Variants in PHLPP2 observed in about 807,000 individuals in gnomAD.
PHLPP2 encodes the protein PH domain and leucine rich repeat protein phosphatase 2, also known as PH domain leucine-rich repeat-containing protein phosphatase 2.
A neutral mutation model predicts 124.9 loss-of-function variants in PHLPP2; 66 were observed. The ratio of observed to expected loss-of-function variants is 0.53; its 90% CI spans 0.43 to 0.65. The LOEUF is 0.65. Among genes scored for constraint, PHLPP2 ranks in the 30% least tolerant of loss-of-function variants. The pLI, the probability that PHLPP2 is intolerant of heterozygous loss-of-function variation, is 0.00. For synonymous variants in PHLPP2, 681 were observed against 624.7 expected, an observed-to-expected ratio of 1.09 and a Z score of -1.34; for missense variants, 1,685 against 1,600.4, an observed-to-expected ratio of 1.05 and a Z score of -0.90.
At chr16:71,656,246 G>A (rs1012692880) in intron 16 of PHLPP2, among the ~76,000 whole-genome samples, 5 of 152,180 alleles carry the variant, frequency 3.3e-5, no homozygotes, top group Non-Finnish European at 5.9e-5. Context: ...ATCAGAAAGT[G>A]AGGCCATTCT....
At chr16:71,663,802 G>T (rs112940847) in intron 13 of PHLPP2, 97 bp downstream of exon 13, 1 of 925,138 alleles carries the variant, frequency 1.1e-6, no homozygotes, top group South Asian at 1.5e-5. Context: ...GTCAGTGAAC[G>T]TAAACAAAGA....
intron 3 of PHLPP2, among the ~76,000 whole-genome samples, chr16:71,700,524 T>C (rs980137130): frequency 9.6e-5 from 13 of 135,496 alleles, no homozygotes; most frequent in Admixed American, 2.9e-4. Context: ...CATTTCTTTT[T>C]TTTTTTTTTT....
chr16:71,680,359 G>C (rs1048498091), intron 6 of PHLPP2, among the ~76,000 whole-genome samples: 1 of 152,140 alleles, frequency 6.6e-6, no homozygotes, highest in African/African-American at 2.4e-5. Flanking sequence ...GTTAGAGCTT[G>C]AAAATACAAA....
intron 17 of PHLPP2, among the ~76,000 whole-genome samples, chr16:71,653,333 C>T (rs1278963537): frequency 6.6e-6 from 1 of 152,058 alleles, no homozygotes; most frequent in Non-Finnish European, 1.5e-5. Context: ...ACATCAGAAT[C>T]CCCTGAGGGC....
In PHLPP2 at chr16:71,649,882, T is replaced by G; in HGVS notation, c.2980A>C (p.Thr994Pro). The change falls in exon 19 of 19, where the codon ACA becomes CCA. Residue 994 changes from threonine to proline, a missense_variant. Physicochemically the swap from Thr to Pro is conservative, Grantham distance 38. Transcript: ENST00000568954. Reference protein sequence around the residue: ...NKALWEHLSYTEAVNAVRHVQ... With the variant: ...NKALWEHLSYPEAVNAVRHVQ... The stretch of plus-strand genomic sequence containing the variant: ...TGACGTACAGCATTGACAGCTTCTG[T>G]GTAGGACAAGTGTTCCCACAATGCT... The G allele has an allele frequency of 1.9e-6, 3 of 1,614,234 alleles. No homozygotes were observed. The highest frequency in any genetic ancestry group is 2.5e-6 in the Non-Finnish European group (3 of 1,180,034).
chr16:71,654,402 C>T (rs1185225538), intron 17 of PHLPP2, among the ~76,000 whole-genome samples: 2 of 152,154 alleles, frequency 1.3e-5, no homozygotes, highest in Non-Finnish European at 2.9e-5. Flanking sequence ...TTTGACTTCA[C>T]GATGGTGCAA....
intron 3 of PHLPP2, among the ~76,000 whole-genome samples, chr16:71,693,365 A>G (rs1010120275): frequency 2.0e-5 from 3 of 152,058 alleles, no homozygotes; most frequent in Non-Finnish European, 4.4e-5. Flanking sequence ...CTCACAACTC[A>G]AGCTCATCTC....
chr16:71,682,982 C>G (rs145124508), intron 5 of PHLPP2, among the ~76,000 whole-genome samples: 15,420 of 152,108 alleles, frequency 0.1, 970 homozygotes, highest in Non-Finnish European at 0.14. Context: ...ACCAGCCTGG[C>G]CAACATGGTG....
intron 4 of PHLPP2, among the ~76,000 whole-genome samples, chr16:71,690,298 T>C (rs1432091202): frequency 6.6e-6 from 1 of 152,240 alleles, no homozygotes; most frequent in Non-Finnish European, 1.5e-5. Flanking sequence ...CAGAATCTAA[T>C]GCCTAGCAGT....
At chr16:71,681,146 G>T (rs1025129322) in intron 6 of PHLPP2, among the ~76,000 whole-genome samples, 1 of 152,130 alleles carries the variant, frequency 6.6e-6, no homozygotes, top group South Asian at 2.1e-4. Flanking sequence ...CAGAAGCCCA[G>T]ACAATTACTT....
chr16:71,703,679 T>C (rs2045251904), intron 2 of PHLPP2, among the ~76,000 whole-genome samples: 1 of 152,210 alleles, frequency 6.6e-6, no homozygotes, highest in Admixed American at 6.5e-5. Flanking sequence ...TCCTGCCACT[T>C]ACCAACTGCA....
At chr16:71,685,218 T>C (rs957853942) in intron 4 of PHLPP2, among the ~76,000 whole-genome samples, 1 of 152,112 alleles carries the variant, frequency 6.6e-6, no homozygotes, top group African/African-American at 2.4e-5. Context: ...TCCCAGCTAC[T>C]TGGGAGGCTG....
chr16:71,676,364 G>C, intron 9 of PHLPP2, 83 bp downstream of exon 9: 1 of 1,055,968 alleles, frequency 9.5e-7, no homozygotes. Flanking sequence ...GAGTGGCTGA[G>C]GAACACCACA....
intron 13 of PHLPP2, among the ~76,000 whole-genome samples, chr16:71,663,104 T>C (rs2145317589): frequency 6.6e-6 from 1 of 152,200 alleles, no homozygotes; most frequent in East Asian, 1.9e-4. Context: ...TCTATTTATT[T>C]ATTTTATTTA....
intron 3 of PHLPP2, among the ~76,000 whole-genome samples, chr16:71,697,893 G>A (rs1421874674): frequency 6.7e-6 from 1 of 148,736 alleles, no homozygotes; most frequent in East Asian, 2.0e-4. Context: ...TGTCGCCCAG[G>A]CTGGAGTGCA....
Position 71,678,825 on chromosome 16 carries a change from C to G in PHLPP2, c.1198G>C (p.Gly400Arg). The G allele has an allele frequency of 6.2e-7, 1 of 1,612,634 alleles. No homozygotes were observed. Among genetic ancestry groups the G allele is most frequent in the Non-Finnish European group, 8.5e-7 (1 of 1,178,652 alleles). ...AAGTTCAGGACTTCCAGGCAATTTCCTGCCATAACCACTCTATCTAACATA... is the reference window on the plus strand; with the variant it reads ...AAGTTCAGGACTTCCAGGCAATTTCGTGCCATAACCACTCTATCTAACATA... ...LTMLDRVVMA[G>R]NCLEVLNLGV... The change falls in exon 8 of 19, where the codon GGA becomes CGA. Residue 400 changes from glycine to arginine, a missense_variant. Transcript: ENST00000568954.
Position 71,655,723 on chromosome 16 carries a change from C to T in PHLPP2, c.2391-289G>A, listed in dbSNP as rs566755626. 3.3e-5 allele frequency among the ~76,000 whole-genome samples: 5 copies of T among 152,124 alleles called. No individual in the cohort carries two copies. In the South Asian group the frequency reaches 8.3e-4, roughly 25 times the overall value. ...GCCAGGATGGTCTTGATCTCCTGAC[C>T]TCATGATCCGCCCACCTTGGCCTCC... On this transcript the variant is annotated intron_variant, in intron 16 of 18. Coordinates refer to ENST00000568954, the MANE Select transcript of PHLPP2 (RefSeq NM_015020.3).
At chr16:71,672,581 T>C (rs1477718489) in intron 9 of PHLPP2, among the ~76,000 whole-genome samples, 1 of 152,252 alleles carries the variant, frequency 6.6e-6, no homozygotes, top group East Asian at 1.9e-4. Flanking sequence ...AGTTAAATGT[T>C]AACAGTAACT....
intron 18 of PHLPP2, among the ~76,000 whole-genome samples, chr16:71,651,954 A>G (rs568334675): frequency 6.6e-6 from 1 of 152,370 alleles, no homozygotes; most frequent in East Asian, 1.9e-4. Flanking sequence ...CACAGAAGAA[A>G]ATCTAGGTGA....
Sources: gnomAD v4.1 joint callset for allele counts (sites outside exome capture counted in the v4.1 genomes callset) on GRCh38, gnomAD v4.1.1 for gene constraint, MANE v1.5 for transcripts, NCBI Gene and HGNC (gene_info 2026-07-23, HGNC 2026-07-21) for gene names.